The following CAST variants were observed in gnomAD, a reference collection of about 807,000 sequenced individuals.
The protein encoded by CAST is calpastatin, also known as MIR583 host.
In CAST, 76 loss-of-function variants were observed where a neutral mutation model predicts 119.6. That is an observed-to-expected ratio of 0.64 (90% CI 0.53 to 0.77). CAST has a LOEUF of 0.77. Ranked by LOEUF, CAST falls within the 30% of genes least tolerant of loss-of-function variation. The pLI is 0.00. For synonymous variants in CAST, 319 were observed against 331.6 expected (o/e 0.96, Z 0.41); for missense variants, 953 against 946.5 (o/e 1.01, Z -0.09).
chr5:96,173,801 C>T, the CAST span, among the ~76,000 whole-genome samples: 4 of 151,048 alleles, frequency 2.6e-5, no homozygotes, highest in Non-Finnish European at 5.9e-5. Context: ...AATGCAGTGG[C>T]GCCATCTCGG....
intron 1 of CAST, among the ~76,000 whole-genome samples, chr5:96,592,742 A>G (rs1338631728): frequency 1.3e-5 from 2 of 150,052 alleles, no homozygotes; most frequent in Non-Finnish European, 3.0e-5. Flanking sequence ...TTCATTTGGC[A>G]CTTACATTTC....
intron 1 of CAST, among the ~76,000 whole-genome samples, chr5:96,673,313 G>C (rs1025788676): frequency 2.0e-4 from 31 of 152,158 alleles, no homozygotes; most frequent in East Asian, 7.7e-4. Context: ...AAATTTAACA[G>C]AGCTTATTTG....
At chr5:96,559,644 C>T (rs1426925514) in intron 1 of CAST, among the ~76,000 whole-genome samples, 1 of 152,158 alleles carries the variant, frequency 6.6e-6, no homozygotes, top group East Asian at 1.9e-4. Flanking sequence ...ATCCAACTTA[C>T]AAGGGACGTA....
the CAST span, among the ~76,000 whole-genome samples, chr5:96,283,147 A>AAAAAAAAGG: frequency 1.3e-5 from 2 of 150,958 alleles, no homozygotes; most frequent in Non-Finnish European, 3.0e-5. Context: ...AAAAAAAAAG[A>AAAAAAAAGG]AAAAAATTTA....
chr5:96,723,692 T>G (rs545518158), intron 4 of CAST, among the ~76,000 whole-genome samples: 1 of 152,336 alleles, frequency 6.6e-6, no homozygotes, highest in African/African-American at 2.4e-5. Context: ...GCTCAAGCTG[T>G]ATCTCTTGGG....
At chr5:96,221,223 C>G in the CAST span, among the ~76,000 whole-genome samples, 1 of 152,078 alleles carries the variant, frequency 6.6e-6, no homozygotes, top group African/African-American at 2.4e-5. Context: ...AGGATCTCCA[C>G]TCTTACCACT....
the CAST span, among the ~76,000 whole-genome samples, chr5:96,160,581 A>C: frequency 3.2e-4 from 48 of 152,242 alleles, no homozygotes; most frequent in Non-Finnish European, 1.9e-4. Context: ...ATTATGTTCA[A>C]GTTTTGAGTA....
chr5:96,699,432 A>G (rs1753643763), intron 3 of CAST, among the ~76,000 whole-genome samples: 1 of 152,254 alleles, frequency 6.6e-6, no homozygotes, highest in African/African-American at 2.4e-5. Flanking sequence ...CCAGGAGAGT[A>G]CAGCAGAAGA....
At chr5:96,477,667 T>C in the CAST span, among the ~76,000 whole-genome samples, 1 of 152,234 alleles carries the variant, frequency 6.6e-6, no homozygotes, top group African/African-American at 2.4e-5. Context: ...ATGTCCTTTT[T>C]CTCTACTCAT....
the CAST span, among the ~76,000 whole-genome samples, chr5:96,110,560 T>C: frequency 1.3e-5 from 2 of 152,218 alleles, no homozygotes; most frequent in African/African-American, 4.8e-5. Flanking sequence ...CTCACATTTA[T>C]ATAACTTCAG....
the CAST span, among the ~76,000 whole-genome samples, chr5:96,478,511 G>C: frequency 2.0e-5 from 3 of 152,192 alleles, no homozygotes; most frequent in Non-Finnish European, 4.4e-5. Context: ...TCTCTGGAAG[G>C]TCAACAGTCC....
intron 22 of CAST, among the ~76,000 whole-genome samples, chr5:96,756,152 T>A (rs1766280568): frequency 2.0e-5 from 3 of 152,210 alleles, no homozygotes. Context: ...ATTCACCAGC[T>A]ATGTTCCCAT....
intron 27 of CAST, among the ~76,000 whole-genome samples, chr5:96,766,871 TG>T (rs2067319): frequency 0.29 from 44,716 of 152,070 alleles, 7,065 homozygotes; most frequent in East Asian, 0.5. Context: ...AGATGATTCC[TG>T]GTTTAAATAG....
At chr5:96,728,804 G>A (rs182201446) in intron 6 of CAST, 160 of 187,080 alleles carry the variant, frequency 8.6e-4, no homozygotes, top group Admixed American at 3.9e-3. Flanking sequence ...AGTGGGATTA[G>A]CTGTCAACAA....
chr5:96,660,958 T>C (rs1274363774), upstream of CAST, among the ~76,000 whole-genome samples: 1 of 151,184 alleles, frequency 6.6e-6, no homozygotes, highest in Non-Finnish European at 1.5e-5. Flanking sequence ...TAAGAGGAAA[T>C]GCATTTAAAT....
chr5:96,041,744 C>T, the CAST span, among the ~76,000 whole-genome samples: 3 of 151,870 alleles, frequency 2.0e-5, no homozygotes, highest in African/African-American at 7.3e-5. Flanking sequence ...GTCATAGGGC[C>T]AGCCCAGATT....
chr5:96,130,013 C>T, the CAST span, among the ~76,000 whole-genome samples: 1 of 127,302 alleles, frequency 7.9e-6, no homozygotes, highest in Non-Finnish European at 1.6e-5. Flanking sequence ...GGTAAGAAAA[C>T]ACACACACTT....
At chr5:96,186,555 G>A in the CAST span, among the ~76,000 whole-genome samples, 2 of 152,178 alleles carry the variant, frequency 1.3e-5, no homozygotes, top group East Asian at 1.9e-4. Flanking sequence ...TTTTTAACAT[G>A]AAGAGATGTT....
chr5:96,171,095 G>A, the CAST span, among the ~76,000 whole-genome samples: 1 of 152,164 alleles, frequency 6.6e-6, no homozygotes, highest in Non-Finnish European at 1.5e-5. Flanking sequence ...AGCTGCATTG[G>A]GAACAGAGAC....
Sources: allele counts gnomAD v4.1 joint callset (sites outside exome capture counted in the v4.1 genomes callset), GRCh38; gene constraint gnomAD v4.1.1; transcripts MANE v1.5; gene names NCBI Gene and HGNC (gene_info 2026-07-23, HGNC 2026-07-21).